The following ASTN2 variants were observed in gnomAD, a reference collection of about 807,000 sequenced individuals.
ASTN2 encodes the protein astrotactin 2, also known as astrotactin-2.
Under a neutral mutation model 139.8 loss-of-function variants are expected in ASTN2, and 54 were observed. The observed-to-expected ratio is 0.39, with a 90% CI of 0.31 to 0.48. The LOEUF (loss-of-function observed/expected upper bound fraction) is 0.48. Among genes scored for constraint, ASTN2 ranks in the 20% least tolerant of loss-of-function variants. The pLI is 0.95. For synonymous variants in ASTN2, 756 were observed against 719.5 expected, an observed-to-expected ratio of 1.05 and a Z score of -0.81; for missense variants, 1,565 against 1,725.1, an observed-to-expected ratio of 0.91 and a Z score of 1.64.
intron 13 of ASTN2, among the ~76,000 whole-genome samples, chr9:116,765,928 A>G (rs1325060106): frequency 6.6e-6 from 1 of 152,190 alleles, no homozygotes; most frequent in Non-Finnish European, 1.5e-5. Context: ...ACAGAAACAT[A>G]TGCTAATTTT....
intron 10 of ASTN2, among the ~76,000 whole-genome samples, chr9:116,916,309 G>A (rs1003717033): frequency 1.5e-4 from 23 of 152,126 alleles, no homozygotes; most frequent in African/African-American, 5.6e-4. Context: ...CTGGGAGAGA[G>A]AGTGAAAATT....
At chr9:116,549,623 C>G (rs978738999) in intron 19 of ASTN2, among the ~76,000 whole-genome samples, 3 of 152,196 alleles carry the variant, frequency 2.0e-5, no homozygotes, top group African/African-American at 7.2e-5. Context: ...GGCCCTGCAA[C>G]CTTTATGAAA....
At chr9:117,338,147 T>C (rs1365911687) in intron 1 of ASTN2, among the ~76,000 whole-genome samples, 3 of 152,178 alleles carry the variant, frequency 2.0e-5, no homozygotes, top group African/African-American at 2.4e-5. Context: ...TTAGGAAAGA[T>C]TGCCATTTTC....
intron 19 of ASTN2, among the ~76,000 whole-genome samples, chr9:116,496,183 T>C (rs541553745): frequency 6.6e-6 from 1 of 152,338 alleles, no homozygotes; most frequent in Non-Finnish European, 1.5e-5. Flanking sequence ...TATTGATGGA[T>C]TGATATATTG....
chr9:116,530,150 TAA>T lies in ASTN2; in HGVS notation c.3356-42652_3356-42651del, dbSNP rs869216568. 3.6e-3 allele frequency among the ~76,000 whole-genome samples: 75 copies of T among 21,074 alleles called. 14 individuals are homozygous for T. The highest frequency in any genetic ancestry group is 0.013 in the South Asian group (11 of 828). The allele number at this position is 21,074 out of a possible 152,430, so 13.8% of individuals were successfully genotyped here. A position where few individuals can be genotyped will look rare whatever the true frequency, so the allele number is the denominator to read the frequency against. ...ATATATATATATATATATATATATA[TAA>T]AATAGAATATTATTAATCCTTAAAA... On this transcript the variant is annotated intron_variant, in intron 19 of 22. Transcript: ENST00000313400.
intron 21 of ASTN2, among the ~76,000 whole-genome samples, chr9:116,441,207 T>C: frequency 6.6e-6 from 1 of 152,132 alleles, no homozygotes; most frequent in Admixed American, 6.6e-5. Context: ...AACACATTTC[T>C]GTGATCAGGT....
intron 19 of ASTN2, among the ~76,000 whole-genome samples, chr9:116,516,569 G>C (rs1321408963): frequency 1.3e-5 from 2 of 152,190 alleles, no homozygotes; most frequent in African/African-American, 2.4e-5. Context: ...GTGAACTTTT[G>C]CTCCAAGAAC....
At chr9:116,848,141 TC>T (rs1564302945) in intron 11 of ASTN2, among the ~76,000 whole-genome samples, 1 of 152,156 alleles carries the variant, frequency 6.6e-6, no homozygotes, top group African/African-American at 2.4e-5. Flanking sequence ...ATTTATGAAA[TC>T]TTCCCAACAA....
intron 1 of ASTN2, among the ~76,000 whole-genome samples, chr9:117,313,959 C>T (rs755829097): frequency 6.6e-6 from 1 of 152,096 alleles, no homozygotes; most frequent in Non-Finnish European, 1.5e-5. Context: ...CTCTCCTTCC[C>T]ACTTCTCCCT....
intron 10 of ASTN2, among the ~76,000 whole-genome samples, chr9:116,915,333 G>A (rs1421403918): frequency 6.6e-6 from 1 of 152,148 alleles, no homozygotes; most frequent in Non-Finnish European, 1.5e-5. Context: ...ACTTTTCACT[G>A]TTTACTCCTG....
chr9:117,154,570 C>T (rs1364410103), intron 3 of ASTN2, among the ~76,000 whole-genome samples: 2 of 152,002 alleles, frequency 1.3e-5, no homozygotes, highest in Non-Finnish European at 2.9e-5. Context: ...TAAGCTAGGT[C>T]ATTATAAAAG....
chr9:116,915,389 A>G (rs966931019), intron 10 of ASTN2, among the ~76,000 whole-genome samples: 1 of 152,168 alleles, frequency 6.6e-6, no homozygotes, highest in Admixed American at 6.5e-5. Context: ...CCTCTGCCTC[A>G]AGTTCCTGAC....
chr9:116,951,820 T>A (rs184574415), intron 10 of ASTN2, among the ~76,000 whole-genome samples: 43 of 151,000 alleles, frequency 2.8e-4, no homozygotes, highest in Admixed American at 5.9e-4. Context: ...GTCATATCCA[T>A]TGCATTTTAA....
intron 4 of ASTN2, among the ~76,000 whole-genome samples, chr9:117,109,850 G>A (rs906050084): frequency 1.2e-4 from 18 of 152,064 alleles, no homozygotes; most frequent in Admixed American, 4.6e-4. Flanking sequence ...ATGAGTTTGG[G>A]CTAAATTGTT....
At chr9:116,846,474 C>G (rs1832435288) in intron 11 of ASTN2, among the ~76,000 whole-genome samples, 1 of 152,114 alleles carries the variant, frequency 6.6e-6, no homozygotes, top group South Asian at 2.1e-4. Context: ...CGGATCAACC[C>G]CAAGAGAGAG....
At chr9:116,934,745 T>A (rs1469591409) in intron 10 of ASTN2, among the ~76,000 whole-genome samples, 2 of 152,198 alleles carry the variant, frequency 1.3e-5, no homozygotes. Context: ...AACCTGTACT[T>A]GTACCCTTGA....
At chr9:117,155,862 T>C (rs1237095550) in intron 3 of ASTN2, among the ~76,000 whole-genome samples, 1 of 152,064 alleles carries the variant, frequency 6.6e-6, no homozygotes, top group Admixed American at 6.6e-5. Flanking sequence ...ATCAGAGAGA[T>C]CAATATGAGT....
intron 16 of ASTN2, among the ~76,000 whole-genome samples, 181 bp downstream of exon 16, chr9:116,725,590 G>A (rs138367902): frequency 7.2e-5 from 11 of 152,176 alleles, no homozygotes; most frequent in South Asian, 6.2e-4. Context: ...ATCATTATAC[G>A]ATCCCTCACT....
intron 4 of ASTN2, among the ~76,000 whole-genome samples, chr9:117,116,368 T>C (rs543577365): frequency 6.6e-6 from 1 of 152,282 alleles, no homozygotes; most frequent in South Asian, 2.1e-4. Context: ...AGATAAGGGT[T>C]TTCTTGTGAA....
Sources: allele counts gnomAD v4.1 joint callset (sites outside exome capture counted in the v4.1 genomes callset), GRCh38; gene constraint gnomAD v4.1.1; transcripts MANE v1.5; gene names NCBI Gene and HGNC (gene_info 2026-07-23, HGNC 2026-07-21).